Variants in TNIK observed in about 807,000 individuals in gnomAD.
The protein encoded by TNIK is TRAF2 and NCK interacting kinase, also known as TRAF2 and NCK-interacting protein kinase.
TNIK carries 49 observed loss-of-function variants against 191.3 expected under a neutral mutation model. That is an observed-to-expected ratio of 0.26 (90% CI 0.20 to 0.32). The LOEUF (loss-of-function observed/expected upper bound fraction) is 0.32, where lower values mean the gene tolerates loss of function less well. Among genes scored for constraint, TNIK ranks in the 10% least tolerant of loss-of-function variants. The pLI is 1.00. For synonymous variants in TNIK, 594 were observed against 600.9 expected, an observed-to-expected ratio of 0.99 and a Z score of 0.17; for missense variants, 1,155 against 1,702.3, an observed-to-expected ratio of 0.68 and a Z score of 5.66.
chr3:171,419,839 G>T (rs574382973), intron 1 of TNIK, among the ~76,000 whole-genome samples: 2 of 152,310 alleles, frequency 1.3e-5, no homozygotes, highest in Admixed American at 6.5e-5. Flanking sequence ...GAACTGAATT[G>T]ATTTCAAAGC....
intron 2 of TNIK, among the ~76,000 whole-genome samples, chr3:171,266,131 G>A (rs564059710): frequency 2.6e-4 from 39 of 152,194 alleles, no homozygotes; most frequent in African/African-American, 9.1e-4. Context: ...GAAGATAGGA[G>A]GAAAGAGAAG....
intron 1 of TNIK, among the ~76,000 whole-genome samples, chr3:171,410,595 C>T (rs954747413): frequency 2.0e-5 from 3 of 151,980 alleles, no homozygotes; most frequent in Non-Finnish European, 2.9e-5. Flanking sequence ...CTGGCTAACA[C>T]GGTGAAACCC....
At chr3:171,341,772 G>T (rs1489658646) in intron 2 of TNIK, among the ~76,000 whole-genome samples, 1 of 152,072 alleles carries the variant, frequency 6.6e-6, no homozygotes, top group Admixed American at 6.6e-5. Context: ...ATAGGAGAGA[G>T]GCTTAACTCA....
intron 5 of TNIK, among the ~76,000 whole-genome samples, chr3:171,192,272 T>C (rs1387414962): frequency 6.6e-6 from 1 of 152,152 alleles, no homozygotes; most frequent in Non-Finnish European, 1.5e-5. Context: ...ACCCCATAAA[T>C]CCTTAAGAGA....
At chr3:171,136,086 G>A (rs577795310) in intron 15 of TNIK, among the ~76,000 whole-genome samples, 115 of 152,272 alleles carry the variant, frequency 7.6e-4, no homozygotes, top group African/African-American at 2.6e-3. Flanking sequence ...CCCTCTTCTG[G>A]TACATTTGTG....
chr3:171,318,024 A>AG (rs1466931639), intron 2 of TNIK, among the ~76,000 whole-genome samples: 1 of 152,150 alleles, frequency 6.6e-6, no homozygotes, highest in Non-Finnish European at 1.5e-5. Flanking sequence ...CTTAAAGCTC[A>AG]GGGGGCTCAA....
At chr3:171,367,768 C>A (rs1294979414) in intron 2 of TNIK, among the ~76,000 whole-genome samples, 1 of 152,172 alleles carries the variant, frequency 6.6e-6, no homozygotes, top group Non-Finnish European at 1.5e-5. Context: ...CCGCACCTGG[C>A]CAGGCCCCAA....
At chr3:171,188,572 TAAACTC>T in intron 7 of TNIK, 124 bp downstream of exon 7, 1 of 1,198,534 alleles carries the variant, frequency 8.3e-7, no homozygotes, top group Non-Finnish European at 1.1e-6. Flanking sequence ...TTACAGGTCT[TAAACTC>T]AAATAATGTT....
At chr3:171,377,790 C>T (rs1717458726) in intron 1 of TNIK, among the ~76,000 whole-genome samples, 1 of 152,200 alleles carries the variant, frequency 6.6e-6, no homozygotes. Context: ...TAGCACAATG[C>T]ATGGCAGTGC....
intron 1 of TNIK, among the ~76,000 whole-genome samples, chr3:171,445,145 C>A (rs1400022681): frequency 6.6e-6 from 1 of 151,926 alleles, no homozygotes; most frequent in African/African-American, 2.4e-5. Context: ...AATAGTTGAG[C>A]GAGCCCAGGC....
chr3:171,112,872 TGTGACACATAACA>T (rs1450297328), intron 18 of TNIK, among the ~76,000 whole-genome samples: 1 of 152,206 alleles, frequency 6.6e-6, no homozygotes, highest in Admixed American at 6.5e-5. Flanking sequence ...AATACATTGC[TGTGACACATAACA>T]GTGAAACAAT....
intron 7 of TNIK, among the ~76,000 whole-genome samples, chr3:171,182,825 T>C (rs563376564): frequency 9.6e-4 from 146 of 152,268 alleles, no homozygotes; most frequent in African/African-American, 3.3e-3. Context: ...AGAACCCCAA[T>C]GTGCACCATG....
At chr3:171,358,772 C>T (rs761627351) in intron 2 of TNIK, among the ~76,000 whole-genome samples, 1 of 152,266 alleles carries the variant, frequency 6.6e-6, no homozygotes, top group African/African-American at 2.4e-5. Context: ...ATAAAGTGGG[C>T]TGTTGGTGAG....
At chr3:171,429,882 CAATT>C (rs924033613) in intron 1 of TNIK, among the ~76,000 whole-genome samples, 1 of 152,182 alleles carries the variant, frequency 6.6e-6, no homozygotes, top group African/African-American at 2.4e-5. Flanking sequence ...GAACACCCTG[CAATT>C]TGCTGTCCTT....
intron 2 of TNIK, among the ~76,000 whole-genome samples, chr3:171,232,994 G>A (rs1743848520): frequency 6.6e-6 from 1 of 152,156 alleles, no homozygotes; most frequent in Non-Finnish European, 1.5e-5. Flanking sequence ...TGAGCTGCTA[G>A]CCTAAGGCTA....
chr3:171,363,627 T>C (rs1280580086), intron 2 of TNIK, among the ~76,000 whole-genome samples: 1 of 152,128 alleles, frequency 6.6e-6, no homozygotes, highest in Non-Finnish European at 1.5e-5. Context: ...AAAGCTACAG[T>C]GCATCCAGGA....
chr3:171,176,973 G>C (rs1736037339), intron 8 of TNIK, among the ~76,000 whole-genome samples: 1 of 152,176 alleles, frequency 6.6e-6, no homozygotes, highest in Admixed American at 6.5e-5. Context: ...ATTAATTTTG[G>C]ATTTTCATAC....
chr3:171,226,681 A>G (rs1026662098), intron 3 of TNIK, among the ~76,000 whole-genome samples: 6 of 151,390 alleles, frequency 4.0e-5, no homozygotes, highest in African/African-American at 1.4e-4. Context: ...TATTTAAGAC[A>G]AATAAAAAGA....
At chr3:171,222,940 G>A (rs1202121320) in intron 3 of TNIK, among the ~76,000 whole-genome samples, 1 of 152,096 alleles carries the variant, frequency 6.6e-6, no homozygotes, top group Non-Finnish European at 1.5e-5. Flanking sequence ...GAAAAGAAAA[G>A]AAAAGAAAAC....
Sources: gnomAD v4.1 joint callset for allele counts (sites outside exome capture counted in the v4.1 genomes callset) on GRCh38, gnomAD v4.1.1 for gene constraint, MANE v1.5 for transcripts, NCBI Gene and HGNC (gene_info 2026-07-23, HGNC 2026-07-21) for gene names.